ENTREP2: variants seen among roughly 807,000 people sequenced by gnomAD.
The protein encoded by ENTREP2 is protein ENTREP2.
the ENTREP2 span, among the ~76,000 whole-genome samples, chr15:29,415,139 C>G: frequency 6.6e-6 from 1 of 151,580 alleles, no homozygotes; most frequent in East Asian, 1.9e-4. Flanking sequence ...TGAATCCCCC[C>G]TAACTCATTT....
At chr15:29,123,549 T>G in the ENTREP2 span, 1 of 1,551,688 alleles carries the variant, frequency 6.4e-7, no homozygotes. Flanking sequence ...TGGAGGTCGC[T>G]GGGAAGGGCT....
chr15:29,228,188 G>A, the ENTREP2 span, among the ~76,000 whole-genome samples: 5 of 152,070 alleles, frequency 3.3e-5, no homozygotes, highest in South Asian at 2.1e-4. Context: ...GCATGGTGGC[G>A]GGCGCCTGTA....
chr15:29,574,727 T>A, the ENTREP2 span, among the ~76,000 whole-genome samples: 1 of 152,190 alleles, frequency 6.6e-6, no homozygotes, highest in Non-Finnish European at 1.5e-5. Context: ...TTGTTTCAGA[T>A]TCCTGCTCTT....
At chr15:29,213,087 G>A in the ENTREP2 span, among the ~76,000 whole-genome samples, 2 of 152,328 alleles carry the variant, frequency 1.3e-5, no homozygotes, top group African/African-American at 4.8e-5. Context: ...GTTTGTCAAA[G>A]ATCAGATGGT....
At chr15:29,305,557 T>C in the ENTREP2 span, among the ~76,000 whole-genome samples, 4 of 152,114 alleles carry the variant, frequency 2.6e-5, 1 homozygote, top group South Asian at 8.3e-4. Context: ...ACAGGTCTTG[T>C]TGATGCACTT....
chr15:29,485,763 G>A, the ENTREP2 span, among the ~76,000 whole-genome samples: 1 of 152,238 alleles, frequency 6.6e-6, no homozygotes, highest in Middle Eastern at 3.4e-3. Flanking sequence ...AAGAATGCTC[G>A]ACATCCATCA....
At chr15:29,444,244 AAGAAAGAG>A in the ENTREP2 span, among the ~76,000 whole-genome samples, 5 of 138,834 alleles carry the variant, frequency 3.6e-5, no homozygotes, top group Non-Finnish European at 7.9e-5. Flanking sequence ...GAAAGAAAGA[AAGAAAGAG>A]AAAGAGAAAA....
chr15:29,613,506 C>G, the ENTREP2 span: 1 of 355,524 alleles, frequency 2.8e-6, no homozygotes, highest in South Asian at 2.8e-5. Context: ...GGATCCTGAC[C>G]ACATCATGAA....
the ENTREP2 span, among the ~76,000 whole-genome samples, chr15:29,133,165 C>T: frequency 6.6e-6 from 1 of 152,152 alleles, no homozygotes; most frequent in Non-Finnish European, 1.5e-5. Flanking sequence ...GCCTGCCATC[C>T]CCAGTATCTA....
the ENTREP2 span, among the ~76,000 whole-genome samples, chr15:29,534,743 T>C: frequency 6.6e-6 from 1 of 152,258 alleles, no homozygotes; most frequent in African/African-American, 2.4e-5. Flanking sequence ...GAATTCTACC[T>C]CAGTGGTGCC....
At chr15:29,126,417 G>A in the ENTREP2 span, 1 of 1,549,690 alleles carries the variant, frequency 6.5e-7, no homozygotes, top group South Asian at 1.2e-5. Context: ...GCGCCCACAG[G>A]GCCATCGGGG....
At chr15:29,546,614 C>T in the ENTREP2 span, among the ~76,000 whole-genome samples, 57,964 of 151,704 alleles carry the variant, frequency 0.38, 11,187 homozygotes, top group East Asian at 0.42. Context: ...TGGCCAGGCA[C>T]GGTGGCTCAT....
the ENTREP2 span, among the ~76,000 whole-genome samples, chr15:29,558,875 T>C: frequency 6.6e-6 from 1 of 151,550 alleles, no homozygotes; most frequent in Admixed American, 6.6e-5. Flanking sequence ...CTTAATGATA[T>C]TTTCTTTCCT....
the ENTREP2 span, among the ~76,000 whole-genome samples, chr15:29,255,676 TAC>T: frequency 6.6e-6 from 1 of 151,942 alleles, no homozygotes; most frequent in African/African-American, 2.4e-5. Context: ...ATGGTACATA[TAC>T]ACCATGGAAT....
the ENTREP2 span, among the ~76,000 whole-genome samples, chr15:29,262,329 A>G: frequency 1.3e-5 from 2 of 152,210 alleles, no homozygotes; most frequent in Non-Finnish European, 2.9e-5. Flanking sequence ...ATTGTGGGTC[A>G]AAAGACCCTC....
chr15:29,621,198 G>A, the ENTREP2 span, among the ~76,000 whole-genome samples: 1 of 151,778 alleles, frequency 6.6e-6, no homozygotes, highest in South Asian at 2.1e-4. Context: ...GACCATCCTG[G>A]CTAACACGGT....
the ENTREP2 span, among the ~76,000 whole-genome samples, chr15:29,587,171 G>A: frequency 0.11 from 16,138 of 146,874 alleles, 1,166 homozygotes; most frequent in Middle Eastern, 0.17. Context: ...GTGTGTGTGT[G>A]TGTGTGTGTG....
the ENTREP2 span, among the ~76,000 whole-genome samples, chr15:29,451,359 C>T: frequency 2.0e-5 from 3 of 152,190 alleles, no homozygotes; most frequent in Non-Finnish European, 4.4e-5. Flanking sequence ...CTCGCCTCTC[C>T]CACAGGAGTC....
At chr15:29,185,946 T>A in the ENTREP2 span, among the ~76,000 whole-genome samples, 3 of 152,186 alleles carry the variant, frequency 2.0e-5, no homozygotes, top group Admixed American at 2.0e-4. Flanking sequence ...AGTTACCAAA[T>A]GCTTTAAAAA....
Sources: gnomAD v4.1 joint callset for allele counts (sites outside exome capture counted in the v4.1 genomes callset) on GRCh38, gnomAD v4.1.1 for gene constraint, MANE v1.5 for transcripts, NCBI Gene and HGNC (gene_info 2026-07-23, HGNC 2026-07-21) for gene names.